The following OPA1 variants were observed in gnomAD, a reference collection of about 807,000 sequenced individuals.
OPA1 encodes dynamin-like GTPase OPA1, mitochondrial.
OPA1 carries 59 observed loss-of-function variants against 152.9 expected under a neutral mutation model. The observed-to-expected ratio is 0.39, with a 90% confidence interval of 0.31 to 0.48. The LOEUF is 0.48. Among genes scored for constraint, OPA1 ranks in the 20% least tolerant of loss-of-function variants. OPA1 has a pLI of 0.96. For synonymous variants in OPA1, 400 were observed against 389.9 expected, an observed-to-expected ratio of 1.03 and a Z score of -0.31; for missense variants, 1,008 against 1,216.8, an observed-to-expected ratio of 0.83 and a Z score of 2.55.
Position 193,635,399 on chromosome 3 carries a change from A to T in OPA1, c.844-19A>T. 1 of 1,430,294 alleles carries T rather than the reference A, an allele frequency of 7.0e-7. No homozygotes were observed. The highest frequency in any genetic ancestry group is 1.1e-5 in the South Asian group (1 of 87,154). 88.6% of individuals were successfully genotyped at this position (1,430,294 alleles called of 1,614,324 possible). ...ACCCATCTTTTGCTTATATAGTTAC[A>T]CTTATTATTTTATTGCAGTTGAAGT... is the stretch of plus-strand genomic sequence containing the variant. On this transcript the variant is annotated intron_variant, in intron 8 of 30. Transcript: ENST00000361510.
intron 6 of OPA1, among the ~76,000 whole-genome samples, chr3:193,621,101 G>A (rs988546993): frequency 6.6e-6 from 1 of 152,242 alleles, no homozygotes; most frequent in African/African-American, 2.4e-5. Flanking sequence ...TAGTTTAATG[G>A]TTGTCAGGTT....
intron 1 of OPA1, among the ~76,000 whole-genome samples, chr3:193,609,369 A>T (rs1727816201): frequency 6.6e-6 from 1 of 151,908 alleles, no homozygotes. Context: ...ATTGGCCTCC[A>T]CTCTCTTCTG....
At chr3:193,673,354 A>G (rs1229826554) in intron 29 of OPA1, among the ~76,000 whole-genome samples, 1 of 152,266 alleles carries the variant, frequency 6.6e-6, no homozygotes, top group African/African-American at 2.4e-5. Flanking sequence ...TTCCTATAAT[A>G]TAAGCATCTT....
intron 1 of OPA1, among the ~76,000 whole-genome samples, chr3:193,611,113 G>T (rs565041447): frequency 1.3e-5 from 2 of 152,118 alleles, no homozygotes; most frequent in African/African-American, 4.8e-5. Flanking sequence ...GAAATCACCC[G>T]TTTTCTGCGT....
chr3:193,615,209 A>C (rs1728831737), intron 2 of OPA1, among the ~76,000 whole-genome samples, 168 bp downstream of exon 2: 1 of 152,232 alleles, frequency 6.6e-6, no homozygotes, highest in South Asian at 2.1e-4. Flanking sequence ...ATGCCTTTAG[A>C]ATCTTAGTTA....
At chr3:193,619,008 A>T (rs770938026) in intron 6 of OPA1, 72 bp downstream of exon 6, 288 of 1,199,978 alleles carry the variant, frequency 2.4e-4, no homozygotes, top group Non-Finnish European at 3.5e-4. Flanking sequence ...TCTTTGGAAG[A>T]TTTTAAAATG....
intron 22 of OPA1, among the ~76,000 whole-genome samples, chr3:193,656,467 A>G (rs1049527357): frequency 1.3e-5 from 2 of 152,192 alleles, no homozygotes; most frequent in Non-Finnish European, 2.9e-5. Context: ...CGTTCAGATC[A>G]TTAGGAGTTA....
chr3:193,624,275 C>G (rs1002566732), intron 6 of OPA1: 2 of 152,198 alleles, frequency 1.3e-5, no homozygotes, highest in Non-Finnish European at 2.9e-5. Context: ...TTGCCCCCTT[C>G]TCACTATTGC....
At chr3:193,685,929 A>T (rs1720881233) in intron 29 of OPA1, among the ~76,000 whole-genome samples, 1 of 152,234 alleles carries the variant, frequency 6.6e-6, no homozygotes, top group Admixed American at 6.5e-5. Flanking sequence ...GTTAACGGCG[A>T]ATACAACATT....
intron 1 of OPA1, among the ~76,000 whole-genome samples, chr3:193,604,192 A>C (rs542229170): frequency 6.6e-6 from 1 of 152,358 alleles, no homozygotes; most frequent in South Asian, 2.1e-4. Flanking sequence ...TATAGTATGC[A>C]GTGGTCCTAT....
intron 19 of OPA1, among the ~76,000 whole-genome samples, chr3:193,647,853 A>G (rs965703999): frequency 6.6e-6 from 1 of 152,182 alleles, no homozygotes; most frequent in Admixed American, 6.5e-5. Flanking sequence ...GCTGTGTGCT[A>G]ATGGATTTAA....
chr3:193,599,073 A>G (rs1300962252), intron 1 of OPA1, among the ~76,000 whole-genome samples: 2 of 151,876 alleles, frequency 1.3e-5, no homozygotes, highest in African/African-American at 2.4e-5. Context: ...TTCCTTTCTC[A>G]TTGCTGCCAC....
chr3:193,686,535 T>C (rs1017553534), intron 29 of OPA1, among the ~76,000 whole-genome samples: 4 of 152,216 alleles, frequency 2.6e-5, no homozygotes, highest in Admixed American at 2.0e-4. Flanking sequence ...GATGCACCTT[T>C]TTTCTTGTGC....
chr3:193,647,232 G>A (rs538621051), intron 19 of OPA1, 52 bp downstream of exon 19: 3 of 1,102,360 alleles, frequency 2.7e-6, no homozygotes, highest in East Asian at 5.0e-5. Flanking sequence ...TTATTAGCTG[G>A]CAATCTTTGG....
intron 29 of OPA1, among the ~76,000 whole-genome samples, chr3:193,675,747 C>T (rs962928788): frequency 6.6e-6 from 1 of 152,198 alleles, no homozygotes; most frequent in African/African-American, 2.4e-5. Flanking sequence ...CTATCACGGT[C>T]GATCCCTTCT....
intron 29 of OPA1, among the ~76,000 whole-genome samples, chr3:193,675,576 C>T (rs960941360): frequency 1.1e-4 from 17 of 152,076 alleles, no homozygotes; most frequent in Admixed American, 4.6e-4. Flanking sequence ...CAACCTAACC[C>T]AGTATTTTTA....
At chr3:193,683,584 A>G (rs1041990110) in intron 29 of OPA1, among the ~76,000 whole-genome samples, 1 of 152,090 alleles carries the variant, frequency 6.6e-6, no homozygotes, top group Non-Finnish European at 1.5e-5. Context: ...GCAAACTACA[A>G]TTGTTGTCTT....
chr3:193,609,795 C>T (rs1482494182), intron 1 of OPA1, among the ~76,000 whole-genome samples: 2 of 152,180 alleles, frequency 1.3e-5, no homozygotes, highest in African/African-American at 4.8e-5. Context: ...ATTTGATCTT[C>T]CATCACTGAT....
At chr3:193,636,220 C>G (rs1418747546) in intron 9 of OPA1, among the ~76,000 whole-genome samples, 1 of 151,718 alleles carries the variant, frequency 6.6e-6, no homozygotes, top group Non-Finnish European at 1.5e-5. Context: ...AACAAACATG[C>G]ATTAGTAGCT....
Sources: gnomAD v4.1 joint callset for allele counts (sites outside exome capture counted in the v4.1 genomes callset) on GRCh38, gnomAD v4.1.1 for gene constraint, MANE v1.5 for transcripts, NCBI Gene and HGNC (gene_info 2026-07-23, HGNC 2026-07-21) for gene names.